Variants in USP28 observed in about 807,000 individuals in gnomAD.
USP28 encodes ubiquitin carboxyl-terminal hydrolase 28.
In USP28, 113 loss-of-function variants were observed where a neutral mutation model predicts 145.0. The ratio of observed to expected loss-of-function variants is 0.78; its 90% CI spans 0.67 to 0.91. The LOEUF is 0.91. Among genes scored for constraint, USP28 ranks in the 40% least tolerant of loss-of-function variants. The probability of loss-of-function intolerance (pLI) is 0.00; values close to 1 mark genes in which losing one functional copy is unlikely to be tolerated. For missense variants in USP28, 1,201 were observed against 1,289.6 expected (o/e 0.93, Z 1.05); for synonymous variants, 447 against 450.9 (o/e 0.99, Z 0.11).
chr11:113,804,051 C>T (rs76404612), intron 21 of USP28, among the ~76,000 whole-genome samples, 174 bp from the exon 23 acceptor site: 2,767 of 152,304 alleles, frequency 0.018, 82 homozygotes, highest in African/African-American at 0.063. Flanking sequence ...TAAAAGTCTA[C>T]CACTGACCTT....
chr11:113,855,182 A>C (rs1946914026), intron 1 of USP28, among the ~76,000 whole-genome samples: 1 of 152,358 alleles, frequency 6.6e-6, no homozygotes, highest in South Asian at 2.1e-4. Flanking sequence ...TAAAGTATGA[A>C]ATGTTTTCTC....
chr11:113,841,616 G>T, intron 4 of USP28, 47 bp downstream of exon 4: 2 of 1,276,026 alleles, frequency 1.6e-6, no homozygotes, highest in Non-Finnish European at 1.1e-6. Context: ...TTGCCTTTGA[G>T]ATACACACAA....
Position 113,804,966 on chromosome 11 carries a change from A to AT in USP28, c.2480dup (p.His827GlnfsTer10). On this transcript the variant is annotated frameshift_variant, in exon 20 of 25. Coordinates refer to ENST00000003302, the Ensembl canonical transcript of USP28. LOFTEE classifies it high-confidence loss of function. Reference sequence around the variant, plus strand: ...CATTTTGGAAAAAGTAGACAAGGACATGCTGAAGTCGAGGATCACTGTGAG... The same window carrying AT: ...CATTTTGGAAAAAGTAGACAAGGACATTGCTGAAGTCGAGGATCACTGTGAG... The AT allele has an allele frequency of 6.2e-7, 1 of 1,614,210 alleles. No homozygotes were observed. Among genetic ancestry groups the AT allele is most frequent in the Non-Finnish European group, 8.5e-7 (1 of 1,180,030 alleles).
chr11:113,867,271 CT>C (rs201395534), intron 1 of USP28, among the ~76,000 whole-genome samples: 57 of 146,606 alleles, frequency 3.9e-4, no homozygotes, highest in Admixed American at 4.8e-4. Flanking sequence ...TACACTTGAA[CT>C]TTTTTTTTTT....
At chr11:113,875,455 C>T in exon 1 of USP28, 1 of 1,246,878 alleles carries the variant, frequency 8.0e-7, no homozygotes, top group Non-Finnish European at 1.0e-6. Flanking sequence ...CGAGCCGTGG[C>T]CGTCTGCCGC....
At chr11:113,858,257 T>C (rs1227708853) in intron 1 of USP28, among the ~76,000 whole-genome samples, 1 of 152,154 alleles carries the variant, frequency 6.6e-6, no homozygotes, top group African/African-American at 2.4e-5. Context: ...ACATGGAAAT[T>C]CAAATCCAAA....
intron 1 of USP28, among the ~76,000 whole-genome samples, chr11:113,868,384 T>C (rs1948496213): frequency 6.6e-6 from 1 of 152,056 alleles, no homozygotes; most frequent in South Asian, 2.1e-4. Flanking sequence ...TTTTATTTCA[T>C]AGAGTGCCTA....
At chr11:113,841,951 A>G (rs1945250299) in intron 3 of USP28, among the ~76,000 whole-genome samples, 183 bp from the exon 4 acceptor site, 1 of 152,224 alleles carries the variant, frequency 6.6e-6, no homozygotes, top group African/African-American at 2.4e-5. Flanking sequence ...ACCTTAGACT[A>G]GCCCACAGTA....
intron 1 of USP28, among the ~76,000 whole-genome samples, chr11:113,861,546 C>T (rs1405565126): frequency 6.6e-6 from 1 of 152,134 alleles, no homozygotes; most frequent in Admixed American, 6.5e-5. Context: ...AGGAATTAAT[C>T]ATTATTTACT....
Position 113,874,808 on chromosome 11 carries a change from G to A in USP28, c.57+637C>T, listed in dbSNP as rs1417002118. 8.3e-6 allele frequency: 9 copies of A among 1,082,552 alleles called. No homozygotes were observed. The African/African-American group carries it at 1.2e-4, about 14-fold the overall frequency. 67.1% of individuals were successfully genotyped at this position (1,082,552 alleles called of 1,614,324 possible). On this transcript the variant is annotated intron_variant, in intron 1 of 24. Coordinates refer to ENST00000003302, the Ensembl canonical transcript of USP28. ...CCTTATATTGATTTCAATCTTCTTA[G>A]ACATTGGGAACAGGAGATCATCATC...
chr11:113,833,914 C>CG (rs1944296398), intron 6 of USP28, among the ~76,000 whole-genome samples: 2 of 152,138 alleles, frequency 1.3e-5, no homozygotes, highest in South Asian at 4.1e-4. Context: ...TAGACTAAGG[C>CG]GGCTCAGGTC....
At chr11:113,815,100 C>A (rs1941526213) in intron 14 of USP28, 74 bp downstream of exon 14, 3 of 1,307,730 alleles carry the variant, frequency 2.3e-6, no homozygotes, top group South Asian at 1.3e-5. Flanking sequence ...GGAAGTGTAC[C>A]GAGGTGCTTA....
intron 1 of USP28, chr11:113,874,423 G>GCAAA (rs1319889656): frequency 4.8e-6 from 2 of 414,078 alleles, no homozygotes; most frequent in Non-Finnish European, 6.1e-6. Context: ...AGACTCTGTC[G>GCAAA]AAAAAAAAAA....
chr11:113,837,315 T>C (rs1944677553), intron 5 of USP28, among the ~76,000 whole-genome samples: 1 of 152,218 alleles, frequency 6.6e-6, no homozygotes, highest in South Asian at 2.1e-4. Context: ...AGGTGTTCAA[T>C]TGTTTGCTGA....
At chr11:113,870,199 T>G (rs1948679661) in intron 1 of USP28, among the ~76,000 whole-genome samples, 1 of 151,466 alleles carries the variant, frequency 6.6e-6, no homozygotes, top group African/African-American at 2.4e-5. Context: ...AGCAAAAAAG[T>G]GGTAATGAGG....
chr11:113,815,033 T>TA, intron 14 of USP28, 141 bp downstream of exon 14: 4 of 764,738 alleles, frequency 5.2e-6, no homozygotes, highest in Non-Finnish European at 8.3e-6. Flanking sequence ...GCCTGGGTGA[T>TA]AGAGTGAGAC....
intron 5 of USP28, among the ~76,000 whole-genome samples, chr11:113,839,121 A>T (rs1223665690): frequency 1.3e-5 from 2 of 152,190 alleles, no homozygotes; most frequent in Admixed American, 6.5e-5. Context: ...TGAAGTACAG[A>T]TTCATATAAT....
At chr11:113,809,371 A>G (rs897135475) in intron 16 of USP28, 117 bp from the exon 17 acceptor site, 1 of 979,028 alleles carries the variant, frequency 1.0e-6, no homozygotes. Context: ...ATACATGCAC[A>G]TAGAATCCAT....
intron 12 of USP28, chr11:113,822,488 GA>G (rs1942771165): frequency 6.7e-6 from 1 of 149,360 alleles, no homozygotes; most frequent in Non-Finnish European, 1.5e-5. Context: ...GAGAGAGAGA[GA>G]GAGAGAGAGA....
Sources: allele counts gnomAD v4.1 joint callset (sites outside exome capture counted in the v4.1 genomes callset), GRCh38; gene constraint gnomAD v4.1.1; transcripts MANE v1.5; gene names NCBI Gene and HGNC (gene_info 2026-07-23, HGNC 2026-07-21).